PTCH1: variants seen among roughly 807,000 people sequenced by gnomAD.
PTCH1 encodes protein patched homolog 1.
Under a neutral mutation model 144.6 loss-of-function variants are expected in PTCH1, and 14 were observed. The ratio of observed to expected loss-of-function variants is 0.10; its 90% confidence interval spans 0.06 to 0.15. PTCH1 has a LOEUF of 0.15. Ranked by LOEUF, PTCH1 falls within the 10% of genes least tolerant of loss-of-function variation. The probability of loss-of-function intolerance (pLI) is 1.00; values close to 1 mark genes in which losing one functional copy is unlikely to be tolerated. For synonymous variants in PTCH1, 833 were observed against 793.6 expected (o/e 1.05, Z -0.83); for missense variants, 1,623 against 1,948.3 (o/e 0.83, Z 3.14).
intron 23 of PTCH1, 114 bp downstream of exon 23, chr9:95,446,797 T>C: frequency 2.9e-6 from 4 of 1,379,364 alleles, no homozygotes; most frequent in Non-Finnish European, 4.1e-6. Flanking sequence ...GGGTCCAGCG[T>C]GGGATGTGCC....
intron 15 of PTCH1, 129 bp downstream of exon 15, chr9:95,466,987 C>T (rs533137791): frequency 1.9e-6 from 2 of 1,052,264 alleles, no homozygotes; most frequent in Non-Finnish European, 2.8e-6. Flanking sequence ...TCTTGAGCAA[C>T]TCTTAAAAGT....
In PTCH1 at chr9:95,469,890, G is replaced by C. The variant is rs2118094825; in HGVS notation, c.1770C>G (p.Leu590=). 6.2e-7 allele frequency: 1 copy of C among 1,614,126 alleles called. No homozygotes were observed. ...CCATGCTGAGAATTGCAGGAAAAAT[G>C]AGCAGAACCATGGCAAAATTGAACA... ...VVVFNFAMVL[L]IFPAILSMDL... Residue 590 remains leucine (L), a synonymous_variant, in exon 13 of 24, where the codon CTC becomes CTG. Transcript: ENST00000331920.
intron 2 of PTCH1, among the ~76,000 whole-genome samples, chr9:95,499,460 G>A (rs1158036512): frequency 2.6e-5 from 4 of 150,972 alleles, no homozygotes; most frequent in Non-Finnish European, 4.4e-5. Flanking sequence ...AGGAAATGAC[G>A]TGGGCAGGTT....
At chr9:95,497,908 C>A (rs1163059087) in intron 2 of PTCH1, among the ~76,000 whole-genome samples, 1 of 150,090 alleles carries the variant, frequency 6.7e-6, no homozygotes, top group East Asian at 2.0e-4. Context: ...CCCCACCCCC[C>A]ATCCTCTCAA....
Position 95,506,582 on chromosome 9 carries a change from C to T in PTCH1, c.219G>A (p.Arg73=), listed in dbSNP as rs944623019. ...EQISKGKATG[R]KAPLWLRAKF... The stretch of plus-strand genomic sequence containing the variant: ...TCGCTCTCAGCCACAGCGGCGCTTT[C>T]CGGCCAGTAGCCTTCCCCTGGGGAC... Residue 73 remains arginine (R), a synonymous_variant, in exon 2 of 24, where the codon CGG becomes CGA. Transcript: ENST00000331920. 1.9e-6 allele frequency: 3 copies of T among 1,612,336 alleles called. No homozygotes were observed. Among genetic ancestry groups the T allele is most frequent in the Non-Finnish European group, 2.5e-6 (3 of 1,179,326 alleles).
chr9:95,486,063 T>C (rs1206722898), intron 2 of PTCH1, among the ~76,000 whole-genome samples, 189 bp from the exon 3 acceptor site: 2 of 152,154 alleles, frequency 1.3e-5, no homozygotes, highest in African/African-American at 4.8e-5. Context: ...ACATAAAAAA[T>C]ACTCACTAAG....
intron 15 of PTCH1, among the ~76,000 whole-genome samples, chr9:95,465,390 C>T (rs1435777353): frequency 6.6e-6 from 1 of 152,204 alleles, no homozygotes; most frequent in Non-Finnish European, 1.5e-5. Context: ...AAAGCAGGGA[C>T]TCTCTCCACT....
chr9:95,449,954 A>G lies in PTCH1; in HGVS notation c.3450-14T>C, dbSNP rs1363264475. ...GCAAAGAAATACCTGGGAGATCAAGAGGAAACGGGAACACGCGCTGTGACA... is the reference window on the plus strand; with the variant it reads ...GCAAAGAAATACCTGGGAGATCAAGGGGAAACGGGAACACGCGCTGTGACA... On this transcript the variant is annotated splice_polypyrimidine_tract_variant and intron_variant, in intron 20 of 23. Coordinates refer to ENST00000331920, the MANE Select transcript of PTCH1 (RefSeq NM_000264.5). This position sits in a 1 kb window ranked among gnomAD's most constrained non-coding sequence, Gnocchi z 5.3. 1 of 1,610,202 alleles carries G rather than the reference A, an allele frequency of 6.2e-7. No individual in the cohort carries two copies. The highest frequency in any genetic ancestry group is 1.1e-5 in the South Asian group (1 of 90,968).
intron 12 of PTCH1, among the ~76,000 whole-genome samples, chr9:95,470,599 G>A (rs1840476311): frequency 6.6e-6 from 1 of 152,206 alleles, no homozygotes; most frequent in Non-Finnish European, 1.5e-5. Flanking sequence ...GCTAAATTCT[G>A]CAGTGCGTTG....
chr9:95,456,357 T>C lies in PTCH1; in HGVS notation c.3225A>G (p.Gly1075=). ...VELFGMMGLI[G]IKLSAVPVVI... is the part of the protein sequence containing the mutation. ...CCACGGGCACGGCACTGAGCTTGAT[T>C]CCGATGAGGCCCATCATGCCGAACA... Residue 1075 remains glycine, a synonymous_variant, in exon 19 of 24, where the codon GGA becomes GGG. Coordinates refer to ENST00000331920, the MANE Select transcript of PTCH1 (RefSeq NM_000264.5). The C allele has an allele frequency of 5.0e-6, 8 of 1,614,062 alleles. No homozygotes were observed. The highest frequency in any genetic ancestry group is 6.8e-6 in the Non-Finnish European group (8 of 1,180,028).
intron 20 of PTCH1, chr9:95,451,317 C>G (rs563172296): frequency 6.6e-6 from 1 of 152,184 alleles, no homozygotes; most frequent in Non-Finnish European, 1.5e-5. Context: ...AGATTTCTGA[C>G]GGCTTAGCAT....
In PTCH1 at chr9:95,461,903, G is replaced by A; in HGVS notation, c.2656C>T (p.Leu886Phe). Reference protein sequence around the residue: ...GSDDGVLAYKLLVQTGSRDKP... With the variant: ...GSDDGVLAYKFLVQTGSRDKP... ...TCGCGGCTGCCGGTTTGCACCAGGA[G>A]TTTGTAGGCAAGGACTCCATCGTCT... Residue 886 changes from leucine (L) to phenylalanine (F), a missense_variant, in exon 16 of 24, where the codon CTC becomes TTC. By Grantham distance (22) the Leu-to-Phe change is conservative. Around this residue, in one of 7 missense-constraint regions of PTCH1, gnomAD observed 504 missense variants for 679.3 expected, o/e 0.74. Transcript: ENST00000331920. 6.2e-7 allele frequency: 1 copy of A among 1,614,240 alleles called. No individual in the cohort carries two copies. Among genetic ancestry groups the A allele is most frequent in the Non-Finnish European group, 8.5e-7 (1 of 1,180,032 alleles).
intron 18 of PTCH1, among the ~76,000 whole-genome samples, chr9:95,456,844 T>C (rs902951449): frequency 6.6e-6 from 1 of 152,208 alleles, no homozygotes; most frequent in African/African-American, 2.4e-5. Context: ...ATTAAGTTTT[T>C]GGTTGCCTCA....
upstream of PTCH1, among the ~76,000 whole-genome samples, chr9:95,509,634 C>A (rs1844040254): frequency 6.6e-6 from 1 of 152,236 alleles, no homozygotes; most frequent in Admixed American, 6.5e-5. Context: ...CGAACATTTG[C>A]CTCGCGGTAG....
At position 95,461,705 on chromosome 9, in the gene PTCH1, A is replaced by T. The variant is rs988735215; in HGVS notation, c.2703+151T>A. On this transcript the variant is annotated intron_variant, in intron 16 of 23. Coordinates refer to ENST00000331920, the MANE Select transcript of PTCH1 (RefSeq NM_000264.5). ...CACAATTAGCTGGTGGGAGGAGGTG[A>T]ATTAGAGTCACCCAATATTCTTTCT... The T allele has an allele frequency of 9.0e-6, 10 of 1,106,106 alleles. No homozygotes were observed. In the East Asian group the frequency reaches 2.6e-4, roughly 29 times the overall value. 68.5% of individuals were successfully genotyped at this position (1,106,106 alleles called of 1,614,324 possible).
chr9:95,474,519 T>C (rs1456230062), intron 12 of PTCH1, among the ~76,000 whole-genome samples: 2 of 152,246 alleles, frequency 1.3e-5, no homozygotes, highest in Non-Finnish European at 2.9e-5. Context: ...TTTTTACTTC[T>C]ATATAAATTT....
upstream of PTCH1, among the ~76,000 whole-genome samples, chr9:95,509,832 TTCC>T (rs1288564238): frequency 6.6e-6 from 1 of 152,200 alleles, no homozygotes; most frequent in African/African-American, 2.4e-5. Flanking sequence ...AGATTTTTTT[TTCC>T]TCTTCTCTTT....
chr9:95,453,404 A>G, intron 20 of PTCH1, 74 bp downstream of exon 20: 1 of 1,602,192 alleles, frequency 6.2e-7, no homozygotes, highest in African/African-American at 1.3e-5. Flanking sequence ...TGCTGGGATT[A>G]CAGGCGTGAG....
In PTCH1 at chr9:95,458,705, T is replaced by A. The variant is rs577311601; in HGVS notation, c.2888-412A>T. 6.6e-6 allele frequency among the ~76,000 whole-genome samples: 1 copy of A among 152,372 alleles called. No individual in the cohort carries two copies. Among genetic ancestry groups the A allele is most frequent in the South Asian group, 2.1e-4 (1 of 4,832 alleles). On this transcript the variant is annotated intron_variant, in intron 17 of 23. Coordinates refer to ENST00000331920, the MANE Select transcript of PTCH1 (RefSeq NM_000264.5). The surrounding 1 kb of genome is among the most constrained non-coding windows in gnomAD (Gnocchi z 4.7). The stretch of plus-strand genomic sequence containing the variant: ...ATGCTTAACTTATCCTTTTAGTGCC[T>A]GAACAAACTTCAACCTTGTATGCTT...
Sources: gnomAD v4.1 joint callset for allele counts (sites outside exome capture counted in the v4.1 genomes callset) on GRCh38, gnomAD v4.1.1 for gene constraint, gnomAD v4.1.1 regional missense constraint, Gnocchi (gnomAD v3.1) non-coding constraint, MANE v1.5 for transcripts, NCBI Gene and HGNC (gene_info 2026-07-23, HGNC 2026-07-21) for gene names.